GTF3C3: variants seen among roughly 807,000 people sequenced by gnomAD.
GTF3C3 encodes the protein general transcription factor IIIC subunit 3, also known as general transcription factor 3C polypeptide 3.
GTF3C3 carries 75 observed loss-of-function variants against 105.2 expected under a neutral mutation model. The observed-to-expected ratio is 0.71, with a 90% CI of 0.59 to 0.86. The LOEUF (loss-of-function observed/expected upper bound fraction) is 0.86, where lower values mean the gene tolerates loss of function less well. Ranked by LOEUF, GTF3C3 falls within the 40% of genes least tolerant of loss-of-function variation. The pLI, the probability that GTF3C3 is intolerant of heterozygous loss-of-function variation, is 0.00. For missense variants in GTF3C3, 856 were observed against 1,076.5 expected (o/e 0.80, Z 2.87); for synonymous variants, 335 against 370.4 (o/e 0.90, Z 1.10).
Position 196,764,399 on chromosome 2 carries a change from A to G in GTF3C3, c.*164T>C, listed in dbSNP as rs886837155. 12 of 582,996 alleles carry G rather than the reference A, an allele frequency of 2.1e-5. No homozygotes were observed. Among genetic ancestry groups the G allele is most frequent in the Non-Finnish European group, 3.3e-5 (12 of 365,268 alleles). The allele number at this position is 582,996 out of a possible 1,614,324, so 36.1% of individuals were successfully genotyped here. ...AATTTTTGTAGGAATAATTTTGCATATATACCACAAGATCATTATCACATA... is the reference window on the plus strand; with the variant it reads ...AATTTTTGTAGGAATAATTTTGCATGTATACCACAAGATCATTATCACATA... On this transcript the variant is annotated 3_prime_UTR_variant, in exon 18 of 18. Transcript: ENST00000263956.
In GTF3C3 at chr2:196,771,672, AG is replaced by A. The variant is rs1699178541; in HGVS notation, c.2260+75del. 8 of 974,328 alleles carry A rather than the reference AG, an allele frequency of 8.2e-6. No homozygotes were observed. In the African/African-American group the frequency reaches 1.3e-4, roughly 16 times the overall value. 60.4% of individuals were successfully genotyped at this position (974,328 alleles called of 1,614,324 possible). ...TCACAGTGAGGCTGATAATTAACCC[AG>A]ACAGTTCCAATCCAGAGGCTAGGCT... On this transcript the variant is annotated intron_variant, in intron 15 of 17. Transcript: ENST00000263956.
chr2:196,797,397 A>C (rs981581866), intron 2 of GTF3C3, among the ~76,000 whole-genome samples: 2 of 152,226 alleles, frequency 1.3e-5, no homozygotes, highest in African/African-American at 4.8e-5. Flanking sequence ...CTTCCACGCT[A>C]ACATTTCTAT....
Position 196,773,079 on chromosome 2 carries a change from A to G in GTF3C3, c.1906T>C (p.Leu636=), listed in dbSNP as rs778649927. ...TCTTGAAATCGGGATAGGTCACATA[A>G]GGAGTATATGGCCTTCAACAGAAGA... ...WNLLLKAIYS[L]CDLSRFQEAE... The change falls in exon 14 of 18, where the codon TTA becomes CTA. Residue 636 remains leucine, a synonymous_variant. Coordinates refer to ENST00000263956, the MANE Select transcript of GTF3C3 (RefSeq NM_012086.5). 1 of 1,613,140 alleles carries G rather than the reference A, an allele frequency of 6.2e-7. No homozygotes were observed. The highest frequency in any genetic ancestry group is 8.5e-7 in the Non-Finnish European group (1 of 1,179,124).
intron 14 of GTF3C3, among the ~76,000 whole-genome samples, 186 bp from the exon 15 acceptor site, chr2:196,772,124 T>C (rs1039102995): frequency 1.3e-5 from 2 of 152,178 alleles, no homozygotes; most frequent in African/African-American, 4.8e-5. Flanking sequence ...TCCCAGAAAA[T>C]GTTGCTTAAG....
At chr2:196,785,233 C>T (rs1023380155) in intron 7 of GTF3C3, among the ~76,000 whole-genome samples, 3 of 151,308 alleles carry the variant, frequency 2.0e-5, no homozygotes, top group African/African-American at 7.3e-5. Flanking sequence ...ACATACTTAG[C>T]ACCTGTGACA....
At chr2:196,767,597 G>A (rs1235824112) in intron 16 of GTF3C3, among the ~76,000 whole-genome samples, 2 of 152,102 alleles carry the variant, frequency 1.3e-5, no homozygotes, top group African/African-American at 4.8e-5. Context: ...ATGCATTTTA[G>A]GGGTAGTAAT....
intron 2 of GTF3C3, among the ~76,000 whole-genome samples, chr2:196,793,616 T>A (rs1329964158): frequency 6.6e-6 from 1 of 152,116 alleles, no homozygotes; most frequent in Non-Finnish European, 1.5e-5. Context: ...GCTCTATACA[T>A]CAGTTTCTTT....
chr2:196,782,737 A>C (rs535922126), intron 8 of GTF3C3, among the ~76,000 whole-genome samples: 1 of 152,326 alleles, frequency 6.6e-6, no homozygotes, highest in South Asian at 2.1e-4. Flanking sequence ...AGTGCTACTC[A>C]AACTAGTCTG....
At chr2:196,778,681 C>T in intron 10 of GTF3C3, 1 of 563,642 alleles carries the variant, frequency 1.8e-6, no homozygotes, top group Non-Finnish European at 3.2e-6. Flanking sequence ...AGTCCTTCAA[C>T]TTCACTCTGG....
Position 196,786,341 on chromosome 2 carries a change from T to C in GTF3C3, c.894-753A>G, listed in dbSNP as rs1168248744. 6.6e-6 allele frequency among the ~76,000 whole-genome samples: 1 copy of C among 152,188 alleles called. No individual in the cohort carries two copies. Among genetic ancestry groups the C allele is most frequent in the Non-Finnish European group, 1.5e-5 (1 of 68,028 alleles). On this transcript the variant is annotated intron_variant, in intron 6 of 17. Transcript: ENST00000263956. The surrounding 1 kb of genome is among the most constrained non-coding windows in gnomAD (Gnocchi z 4.2). ...GTGGGGCAGTAATGTCCTAGACAAC[T>C]ATTGACATCTCTCTCTTTTCAAACC...
intron 1 of GTF3C3, among the ~76,000 whole-genome samples, 190 bp from the exon 2 acceptor site, chr2:196,798,098 G>A (rs1003135651): frequency 2.6e-5 from 4 of 152,128 alleles, no homozygotes; most frequent in Non-Finnish European, 4.4e-5. Context: ...CACATACACA[G>A]TAGATGGAAT....
At chr2:196,771,651 A>G in intron 15 of GTF3C3, 97 bp downstream of exon 15, 1 of 754,480 alleles carries the variant, frequency 1.3e-6, no homozygotes, top group Non-Finnish European at 2.3e-6. Flanking sequence ...AATTTGTCAC[A>G]GTGAGGCTGA....
chr2:196,795,093 T>C (rs1436069204), intron 2 of GTF3C3, among the ~76,000 whole-genome samples: 1 of 151,304 alleles, frequency 6.6e-6, no homozygotes, highest in Admixed American at 6.6e-5. Context: ...CCAGGCTGGA[T>C]TGCAGTGGTG....
At chr2:196,784,540 C>T (rs1699420009) in intron 8 of GTF3C3, among the ~76,000 whole-genome samples, 1 of 152,030 alleles carries the variant, frequency 6.6e-6, no homozygotes, top group South Asian at 2.1e-4. Context: ...AAGTAAATTG[C>T]TTCAGTGCTA....
chr2:196,780,448 G>T, intron 9 of GTF3C3, 111 bp downstream of exon 9: 1 of 1,380,164 alleles, frequency 7.2e-7, no homozygotes, highest in South Asian at 2.0e-5. Flanking sequence ...TTACCTCCTT[G>T]GTTATTAAGA....
In GTF3C3 at chr2:196,780,641, G is replaced by C; in HGVS notation, c.1136C>G (p.Thr379Ser). 1 of 1,612,506 alleles carries C rather than the reference G, an allele frequency of 6.2e-7. No homozygotes were observed. Among genetic ancestry groups the C allele is most frequent in the Non-Finnish European group, 8.5e-7 (1 of 1,178,900 alleles). Residue 379 changes from threonine (T) to serine (S), a missense_variant, in exon 9 of 18, where the codon ACT becomes AGT. Coordinates refer to ENST00000263956, the MANE Select transcript of GTF3C3 (RefSeq NM_012086.5). ...ENKAPENVTC[T>S]IPDGVPIDIT... is the part of the protein sequence containing the mutation. ...ATCTATTGGCACGCCATCAGGTATA[G>C]TGCAGGTAACATTCTCAGGAGCTGG... is the stretch of plus-strand genomic sequence containing the variant.
chr2:196,765,952 G>C lies in GTF3C3; in HGVS notation c.2538+613C>G, dbSNP rs184861142. Among the ~76,000 whole-genome samples the C allele has an allele frequency of 2.8e-5, 4 of 144,848 alleles. No individual in the cohort carries two copies. The South Asian group carries it at 8.9e-4, about 32-fold the overall frequency. On this transcript the variant is annotated intron_variant, in intron 17 of 17. Transcript: ENST00000263956. ...GTGAACCCGGGAGGCGGAGCTTGCA[G>C]TGAGCCAAGATCGTGCCACTGCACT...
Position 196,764,477 on chromosome 2 carries a change from T to C in GTF3C3, c.*86A>G. ...TAATTCTGAAATTGTCATTTCTATT[T>C]TGGAGTTACAAATAATAAGCCCTGA... On this transcript the variant is annotated 3_prime_UTR_variant, in exon 18 of 18. Coordinates refer to ENST00000263956, the MANE Select transcript of GTF3C3 (RefSeq NM_012086.5). The C allele has an allele frequency of 3.4e-6, 4 of 1,167,404 alleles. No homozygotes were observed. Among genetic ancestry groups the C allele is most frequent in the Non-Finnish European group, 4.7e-6 (4 of 845,930 alleles). The allele number at this position is 1,167,404 out of a possible 1,614,324, so 72.3% of individuals were successfully genotyped here. A position where few individuals can be genotyped will look rare whatever the true frequency, so the allele number is the denominator to read the frequency against.
chr2:196,776,306 A>C lies in GTF3C3; in HGVS notation c.1593+121T>G. 1.2e-6 allele frequency: 1 copy of C among 863,472 alleles called. No individual in the cohort carries two copies. The highest frequency in any genetic ancestry group is 2.5e-5 in the East Asian group (1 of 40,174). 53.5% of individuals were successfully genotyped at this position (863,472 alleles called of 1,614,324 possible). ...AATCCAATACTTAAAATCATTTTTCAAAAACTTGAATACACTAAAATAAAA... is the reference window on the plus strand; with the variant it reads ...AATCCAATACTTAAAATCATTTTTCCAAAACTTGAATACACTAAAATAAAA... On this transcript the variant is annotated intron_variant, in intron 11 of 17. Coordinates refer to ENST00000263956, the MANE Select transcript of GTF3C3 (RefSeq NM_012086.5). The surrounding 1 kb of genome is among the most constrained non-coding windows in gnomAD (Gnocchi z 4.5).
Sources: allele counts gnomAD v4.1 joint callset (sites outside exome capture counted in the v4.1 genomes callset), GRCh38; gene constraint gnomAD v4.1.1; non-coding constraint Gnocchi (gnomAD v3.1); transcripts MANE v1.5; gene names NCBI Gene and HGNC (gene_info 2026-07-23, HGNC 2026-07-21).